The following UBE2R2 variants were observed in gnomAD, a reference collection of about 807,000 sequenced individuals.
The protein encoded by UBE2R2 is ubiquitin-conjugating enzyme E2 R2.
UBE2R2 carries 1 observed loss-of-function variant against 27.8 expected under a neutral mutation model. The ratio of observed to expected loss-of-function variants is 0.04; its 90% CI spans 0.01 to 0.17. The LOEUF (loss-of-function observed/expected upper bound fraction) is 0.17, where lower values mean the gene tolerates loss of function less well. Ranked by LOEUF, UBE2R2 falls within the 10% of genes least tolerant of loss-of-function variation. The pLI, the probability that UBE2R2 is intolerant of heterozygous loss-of-function variation, is 1.00. For missense variants in UBE2R2, 100 were observed against 291.0 expected, an observed-to-expected ratio of 0.34 and a Z score of 4.78; for synonymous variants, 106 against 113.3, an observed-to-expected ratio of 0.94 and a Z score of 0.41.
At chr9:33,832,308 C>CA (rs112691327) in intron 1 of UBE2R2, among the ~76,000 whole-genome samples, 74,619 of 136,364 alleles carry the variant, frequency 0.55, 19,590 homozygotes, top group East Asian at 0.77. Context: ...AAATCTATCT[C>CA]AAAAAAAAAA....
At chr9:33,841,912 A>G (rs1381064005) in intron 1 of UBE2R2, among the ~76,000 whole-genome samples, 1 of 152,128 alleles carries the variant, frequency 6.6e-6, no homozygotes, top group East Asian at 1.9e-4. Context: ...TGCTGTCCTC[A>G]TCACCCCCCG....
At chr9:33,876,233 G>A (rs1821599729) in intron 1 of UBE2R2, among the ~76,000 whole-genome samples, 1 of 152,112 alleles carries the variant, frequency 6.6e-6, no homozygotes, top group South Asian at 2.1e-4. Flanking sequence ...GTGGTGGCAT[G>A]CGCCTGTAGC....
chr9:33,891,063 T>TTTTTTTGTTTTTTTG (rs1350860545), intron 2 of UBE2R2, among the ~76,000 whole-genome samples: 4 of 149,358 alleles, frequency 2.7e-5, no homozygotes, highest in Non-Finnish European at 5.9e-5. Flanking sequence ...TTGTTTTTTT[T>TTTTTTTGTTTTTTTG]TTTTGAGATG....
chr9:33,894,438 A>G (rs1564002471), intron 2 of UBE2R2, among the ~76,000 whole-genome samples: 1 of 151,590 alleles, frequency 6.6e-6, no homozygotes, highest in Non-Finnish European at 1.5e-5. Context: ...CTCATTTTTT[A>G]TTTTTCATTT....
At chr9:33,868,205 A>G (rs994264941) in intron 1 of UBE2R2, among the ~76,000 whole-genome samples, 2 of 152,036 alleles carry the variant, frequency 1.3e-5, no homozygotes, top group Admixed American at 6.6e-5. Context: ...AGCTGCTTGT[A>G]TCCTTGACAC....
chr9:33,859,662 T>C (rs1473797113), intron 1 of UBE2R2, among the ~76,000 whole-genome samples: 2 of 152,158 alleles, frequency 1.3e-5, no homozygotes, highest in African/African-American at 4.8e-5. Context: ...TTCTTTGTTT[T>C]GTTTTTCAGA....
intron 2 of UBE2R2, among the ~76,000 whole-genome samples, chr9:33,889,504 C>T (rs956474288): frequency 6.7e-6 from 1 of 150,142 alleles, no homozygotes; most frequent in African/African-American, 2.5e-5. Flanking sequence ...GCACCCGGCC[C>T]TCTCTTGCCT....
chr9:33,845,984 G>A (rs930685523), intron 1 of UBE2R2, among the ~76,000 whole-genome samples: 1 of 152,086 alleles, frequency 6.6e-6, no homozygotes, highest in Non-Finnish European at 1.5e-5. Flanking sequence ...CAAAAAATTA[G>A]GCAAGGTGGC....
chr9:33,913,889 G>T (rs1822564875), intron 4 of UBE2R2, among the ~76,000 whole-genome samples: 1 of 152,156 alleles, frequency 6.6e-6, no homozygotes, highest in South Asian at 2.1e-4. Flanking sequence ...TCTCACCTAG[G>T]TGACTGATGT....
chr9:33,853,232 A>C (rs932230534), intron 1 of UBE2R2, among the ~76,000 whole-genome samples: 1 of 151,626 alleles, frequency 6.6e-6, no homozygotes, highest in African/African-American at 2.4e-5. Context: ...CTCAAAAAAA[A>C]AAAAAAAGAT....
chr9:33,887,909 TC>T (rs1169217286), intron 2 of UBE2R2, among the ~76,000 whole-genome samples: 1 of 152,200 alleles, frequency 6.6e-6, no homozygotes, highest in African/African-American at 2.4e-5. Context: ...ATTCCTGACC[TC>T]GTGATCCACC....
chr9:33,902,641 G>A (rs1457531025), intron 3 of UBE2R2, among the ~76,000 whole-genome samples: 1 of 152,112 alleles, frequency 6.6e-6, no homozygotes, highest in Non-Finnish European at 1.5e-5. Context: ...TTTATCTTGG[G>A]TTCTAAATAC....
intron 1 of UBE2R2, among the ~76,000 whole-genome samples, chr9:33,861,310 C>T (rs1214749332): frequency 1.3e-5 from 2 of 150,786 alleles, no homozygotes; most frequent in Non-Finnish European, 3.0e-5. Context: ...GCTCATGCCT[C>T]TAATCACAGC....
chr9:33,890,333 C>T (rs576629347), intron 2 of UBE2R2, among the ~76,000 whole-genome samples: 1 of 152,066 alleles, frequency 6.6e-6, no homozygotes, highest in African/African-American at 2.4e-5. Context: ...CCCTATAATC[C>T]CAGCACTTTG....
At position 33,817,751 on chromosome 9, in the gene UBE2R2, C is replaced by A. The variant is rs1289847021; in HGVS notation, c.-7C>A. On this transcript the variant is annotated 5_prime_UTR_variant, in exon 1 of 5. Transcript: ENST00000263228. ...GGCCCGGCGCCGCCGCCGCCGCCGC[C>A]GCCGCGATGGCCCAGCAGCAGATGA... is the stretch of plus-strand genomic sequence containing the variant. The A allele has an allele frequency of 3.3e-6, 5 of 1,528,888 alleles. No homozygotes were observed. Among genetic ancestry groups the A allele is most frequent in the Non-Finnish European group, 2.6e-6 (3 of 1,140,334 alleles). The allele number at this position is 1,528,888 out of a possible 1,614,324, so 94.7% of individuals were successfully genotyped here.
intron 3 of UBE2R2, among the ~76,000 whole-genome samples, chr9:33,903,824 C>G (rs182331481): frequency 2.4e-4 from 36 of 152,252 alleles, no homozygotes; most frequent in African/African-American, 8.7e-4. Context: ...GTTTTCCCTG[C>G]TTTTATGCTG....
chr9:33,917,678 GA>G lies in UBE2R2; in HGVS notation c.*448del, dbSNP rs1176310636. 5 of 222,292 alleles carry G rather than the reference GA, an allele frequency of 2.2e-5. No individual in the cohort carries two copies. The highest frequency in any genetic ancestry group is 6.0e-5 in the Admixed American group (1 of 16,660). 13.8% of individuals were successfully genotyped at this position (222,292 alleles called of 1,614,324 possible). On this transcript the variant is annotated 3_prime_UTR_variant, in exon 5 of 5. Transcript: ENST00000263228. ...ATATACTGGGTAGCAAAAGAAAATG[GA>G]AAAAAACCCACAAAACAAACTTTAA...
chr9:33,836,768 A>AATAT (rs1554671531), intron 1 of UBE2R2, among the ~76,000 whole-genome samples: 8 of 147,702 alleles, frequency 5.4e-5, no homozygotes, highest in African/African-American at 1.7e-4. Flanking sequence ...AAAAAAAAAA[A>AATAT]ATATATATAT....
intron 1 of UBE2R2, among the ~76,000 whole-genome samples, chr9:33,818,987 G>A (rs926211619): frequency 6.6e-6 from 1 of 152,130 alleles, no homozygotes; most frequent in African/African-American, 2.4e-5. Context: ...TGGAGATAAT[G>A]AGTGTTTGTT....
Sources: allele counts gnomAD v4.1 joint callset (sites outside exome capture counted in the v4.1 genomes callset), GRCh38; gene constraint gnomAD v4.1.1; transcripts MANE v1.5; gene names NCBI Gene and HGNC (gene_info 2026-07-23, HGNC 2026-07-21).